RUNDC3B: variants seen among roughly 807,000 people sequenced by gnomAD.
RUNDC3B encodes RUN domain-containing protein 3B.
A neutral mutation model predicts 58.4 loss-of-function variants in RUNDC3B; 33 were observed. The ratio of observed to expected loss-of-function variants is 0.56; its 90% CI spans 0.43 to 0.75. RUNDC3B has a LOEUF of 0.75. RUNDC3B is among the 30% of genes least tolerant of loss of function. RUNDC3B has a pLI of 0.00. For synonymous variants in RUNDC3B, 193 were observed against 195.2 expected, an observed-to-expected ratio of 0.99 and a Z score of 0.10; for missense variants, 501 against 535.7, an observed-to-expected ratio of 0.94 and a Z score of 0.64.
intron 8 of RUNDC3B, among the ~76,000 whole-genome samples, chr7:87,781,731 A>G (rs997356086): frequency 6.6e-6 from 1 of 152,068 alleles, no homozygotes; most frequent in African/African-American, 2.4e-5. Context: ...TTCTATGTCT[A>G]TTGATATGAT....
intron 6 of RUNDC3B, among the ~76,000 whole-genome samples, chr7:87,747,570 C>T (rs1490055137): frequency 2.6e-5 from 4 of 152,048 alleles, no homozygotes; most frequent in Admixed American, 6.6e-5. Flanking sequence ...CTTTGTCTTC[C>T]GCTGCCAGGG....
intron 3 of RUNDC3B, among the ~76,000 whole-genome samples, chr7:87,709,993 TTTAAATATTTGG>T (rs1188558349): frequency 1.3e-5 from 2 of 152,150 alleles, no homozygotes; most frequent in African/African-American, 4.8e-5. Context: ...GTTTTTCTAG[TTTAAATATTTGG>T]TAATAGCTTT....
chr7:87,698,841 G>T (rs1327057003), intron 2 of RUNDC3B, among the ~76,000 whole-genome samples: 2 of 152,146 alleles, frequency 1.3e-5, no homozygotes, highest in Non-Finnish European at 2.9e-5. Context: ...ACTAGCTGTT[G>T]GGATCATACA....
intron 2 of RUNDC3B, among the ~76,000 whole-genome samples, chr7:87,663,053 C>G (rs148314101): frequency 5.8e-4 from 88 of 152,104 alleles, no homozygotes; most frequent in African/African-American, 2.0e-3. Flanking sequence ...TCACTGTTGG[C>G]ATATAGGAAA....
chr7:87,734,984 T>C (rs1396352110), intron 4 of RUNDC3B, among the ~76,000 whole-genome samples: 1 of 152,200 alleles, frequency 6.6e-6, no homozygotes, highest in Non-Finnish European at 1.5e-5. Flanking sequence ...TTTTCCTCTG[T>C]TCATTTTTCT....
chr7:87,672,242 T>C (rs908955801), intron 2 of RUNDC3B, among the ~76,000 whole-genome samples: 1 of 152,210 alleles, frequency 6.6e-6, no homozygotes, highest in African/African-American at 2.4e-5. Context: ...ATCAGGTACC[T>C]GCTTAAAGTA....
intron 8 of RUNDC3B, among the ~76,000 whole-genome samples, chr7:87,788,840 T>C (rs1160996506): frequency 6.6e-6 from 1 of 152,092 alleles, no homozygotes; most frequent in Non-Finnish European, 1.5e-5. Flanking sequence ...TTATGCTAAT[T>C]GGTGGAAAAA....
intron 1 of RUNDC3B, among the ~76,000 whole-genome samples, chr7:87,641,891 A>G (rs1337315744): frequency 6.6e-6 from 1 of 152,166 alleles, no homozygotes; most frequent in Non-Finnish European, 1.5e-5. Flanking sequence ...AAATCTTAGT[A>G]TTTACAGAAC....
chr7:87,793,369 C>CA (rs1835632108), intron 8 of RUNDC3B, among the ~76,000 whole-genome samples: 2 of 151,752 alleles, frequency 1.3e-5, no homozygotes, highest in South Asian at 2.1e-4. Flanking sequence ...AAAGATATAT[C>CA]AAAAAAAGAA....
At chr7:87,736,007 G>A (rs776546010) in intron 4 of RUNDC3B, among the ~76,000 whole-genome samples, 1 of 152,012 alleles carries the variant, frequency 6.6e-6, no homozygotes, top group Non-Finnish European at 1.5e-5. Context: ...TCACATTCTT[G>A]GCAAGACCTT....
intron 6 of RUNDC3B, among the ~76,000 whole-genome samples, chr7:87,756,961 C>A (rs192103253): frequency 6.6e-5 from 10 of 152,170 alleles, no homozygotes; most frequent in African/African-American, 2.4e-4. Flanking sequence ...ACTGGATGTC[C>A]TGTTTAGATC....
intron 4 of RUNDC3B, among the ~76,000 whole-genome samples, chr7:87,720,844 C>G (rs2130774235): frequency 9.7e-6 from 1 of 102,862 alleles, no homozygotes; most frequent in African/African-American, 3.7e-5. Flanking sequence ...TCATGATCCA[C>G]CTGCCTTGGC....
Position 87,741,485 on chromosome 7 carries a change from T to A in RUNDC3B, c.549-14T>A, listed in dbSNP as rs1832321392. On this transcript the variant is annotated splice_polypyrimidine_tract_variant and intron_variant, in intron 5 of 10. Transcript: ENST00000394654. ...TATATATTAATAGGAAATATTTATT[T>A]TCTATTGTCTTAGTTTCTGCCTAAA... 7.2e-7 allele frequency: 1 copy of A among 1,384,844 alleles called. No individual in the cohort carries two copies. The highest frequency in any genetic ancestry group is 9.9e-7 in the Non-Finnish European group (1 of 1,009,836). The allele number at this position is 1,384,844 out of a possible 1,614,324, so 85.8% of individuals were successfully genotyped here.
chr7:87,783,639 G>A (rs913315134), intron 8 of RUNDC3B, among the ~76,000 whole-genome samples: 1 of 152,206 alleles, frequency 6.6e-6, no homozygotes, highest in Admixed American at 6.5e-5. Context: ...AGTACATATT[G>A]TTATTTCATT....
intron 2 of RUNDC3B, among the ~76,000 whole-genome samples, chr7:87,692,866 T>C (rs1031946261): frequency 6.6e-6 from 1 of 152,218 alleles, no homozygotes; most frequent in East Asian, 1.9e-4. Context: ...ATAGATCCTT[T>C]TGGATATGTT....
intron 4 of RUNDC3B, among the ~76,000 whole-genome samples, chr7:87,717,327 A>G (rs1194486702): frequency 3.3e-5 from 5 of 151,904 alleles, no homozygotes; most frequent in African/African-American, 1.2e-4. Flanking sequence ...CAAGATAAGA[A>G]AAACAAACAG....
At chr7:87,767,735 G>C (rs1327805050) in intron 6 of RUNDC3B, among the ~76,000 whole-genome samples, 1 of 152,160 alleles carries the variant, frequency 6.6e-6, no homozygotes. Context: ...TATGGCGGGG[G>C]TAGTTCATGA....
chr7:87,822,796 C>A (rs1837555736), intron 10 of RUNDC3B, among the ~76,000 whole-genome samples: 1 of 152,074 alleles, frequency 6.6e-6, no homozygotes, highest in Non-Finnish European at 1.5e-5. Context: ...GGACAAAAAA[C>A]CAAACACTGC....
intron 4 of RUNDC3B, among the ~76,000 whole-genome samples, chr7:87,728,948 T>A (rs1294468241): frequency 2.0e-5 from 3 of 152,180 alleles, no homozygotes; most frequent in Non-Finnish European, 2.9e-5. Flanking sequence ...TCCTTTTGAC[T>A]CCTTTAATTT....
Sources: gnomAD v4.1 joint callset for allele counts (sites outside exome capture counted in the v4.1 genomes callset) on GRCh38, gnomAD v4.1.1 for gene constraint, MANE v1.5 for transcripts, NCBI Gene and HGNC (gene_info 2026-07-23, HGNC 2026-07-21) for gene names.